Variants in PRKAR1B observed in about 807,000 individuals in gnomAD.
PRKAR1B encodes protein kinase cAMP-dependent type I regulatory subunit beta.
PRKAR1B carries 22 observed loss-of-function variants against 46.5 expected under a neutral mutation model. The ratio of observed to expected loss-of-function variants is 0.47; its 90% CI spans 0.34 to 0.68. The LOEUF (loss-of-function observed/expected upper bound fraction) is 0.68, where lower values mean the gene tolerates loss of function less well. Ranked by LOEUF, PRKAR1B falls within the 30% of genes least tolerant of loss-of-function variation. The pLI, the probability that PRKAR1B is intolerant of heterozygous loss-of-function variation, is 0.01. For missense variants in PRKAR1B, 445 were observed against 535.6 expected, an observed-to-expected ratio of 0.83 and a Z score of 1.67; for synonymous variants, 259 against 217.7, an observed-to-expected ratio of 1.19 and a Z score of -1.67.
At position 550,254 on chromosome 7, in the gene PRKAR1B, G is replaced by A. The variant is rs999438255; in HGVS notation, c.*176C>T. 6.6e-6 allele frequency: 4 copies of A among 608,434 alleles called. No homozygotes were observed. The highest frequency in any genetic ancestry group is 2.9e-5 in the Admixed American group (1 of 34,250). 37.7% of individuals were successfully genotyped at this position (608,434 alleles called of 1,614,324 possible). On this transcript the variant is annotated 3_prime_UTR_variant, in exon 11 of 11. Transcript: ENST00000537384. ...TCCGCTTGTCCTTTGATTTGGAAAT[G>A]CACAAGGTGATCATTTATTCCAAAA...
chr7:594,639 T>C (rs1033441546), intron 7 of PRKAR1B, among the ~76,000 whole-genome samples: 3 of 151,816 alleles, frequency 2.0e-5, no homozygotes, highest in Admixed American at 1.3e-4. Flanking sequence ...CTCCAAACTA[T>C]GAAGGAACCC....
At chr7:612,626 A>T (rs1782586300) in intron 4 of PRKAR1B, among the ~76,000 whole-genome samples, 1 of 152,152 alleles carries the variant, frequency 6.6e-6, no homozygotes, top group Admixed American at 6.5e-5. Context: ...GGAAAAGTGA[A>T]TGAAAAAACG....
chr7:579,042 G>C, intron 9 of PRKAR1B: 1 of 985,464 alleles, frequency 1.0e-6, no homozygotes, highest in Non-Finnish European at 1.2e-6. Flanking sequence ...TTTCTAAGAA[G>C]GGAGGCTTTT....
chr7:656,495 G>T (rs1403074237), intron 4 of PRKAR1B, among the ~76,000 whole-genome samples: 1 of 152,238 alleles, frequency 6.6e-6, no homozygotes, highest in Non-Finnish European at 1.5e-5. Flanking sequence ...ATGTATGAGT[G>T]AATGTGTGGA....
intron 4 of PRKAR1B, among the ~76,000 whole-genome samples, chr7:628,319 G>A (rs946966558): frequency 1.3e-5 from 2 of 152,264 alleles, no homozygotes; most frequent in Non-Finnish European, 2.9e-5. Context: ...AATCGGGGAC[G>A]TGGAGCCAAG....
At position 705,429 on chromosome 7, in the gene PRKAR1B, A is replaced by T. The variant is rs539343699; in HGVS notation, c.177+5900T>A. Among the ~76,000 whole-genome samples the T allele has an allele frequency of 5.3e-5, 8 of 152,282 alleles. No homozygotes were observed. In the East Asian group the frequency reaches 1.3e-3, roughly 26 times the overall value. On this transcript the variant is annotated intron_variant, in intron 2 of 10. Coordinates refer to ENST00000537384, the MANE Select transcript of PRKAR1B (RefSeq NM_001164760.2). ...AGGCTGCCGATACTGAGGAACAAGAATCACGGCTGCTTGGAACACGAGATA... is the reference window on the plus strand; with the variant it reads ...AGGCTGCCGATACTGAGGAACAAGATTCACGGCTGCTTGGAACACGAGATA...
intron 4 of PRKAR1B, among the ~76,000 whole-genome samples, chr7:643,430 G>C (rs1387433584): frequency 6.6e-6 from 1 of 151,512 alleles, no homozygotes; most frequent in Non-Finnish European, 1.5e-5. Flanking sequence ...CTCATAAAAA[G>C]TCATAGCTTT....
chr7:728,805 C>T (rs1184145278), upstream of PRKAR1B, among the ~76,000 whole-genome samples: 1 of 152,076 alleles, frequency 6.6e-6, no homozygotes. Flanking sequence ...CCCCTCATCT[C>T]CAGCACCTCT....
At chr7:575,289 G>C (rs1332161113) in intron 9 of PRKAR1B, among the ~76,000 whole-genome samples, 5 of 152,354 alleles carry the variant, frequency 3.3e-5, no homozygotes, top group African/African-American at 1.2e-4. Context: ...GGCTGGGGCT[G>C]CGCTGGCTGG....
At chr7:642,186 G>A (rs1433976241) in intron 4 of PRKAR1B, among the ~76,000 whole-genome samples, 3 of 152,122 alleles carry the variant, frequency 2.0e-5, no homozygotes, top group South Asian at 2.1e-4. Context: ...ATGAGCCACC[G>A]CACCCACCCG....
chr7:656,929 A>G (rs1353113940), intron 4 of PRKAR1B, among the ~76,000 whole-genome samples: 1 of 151,922 alleles, frequency 6.6e-6, no homozygotes, highest in South Asian at 2.1e-4. Flanking sequence ...GGATGAATGA[A>G]TGAATGAGTG....
chr7:560,713 T>C lies in PRKAR1B; in HGVS notation c.892-9243A>G, dbSNP rs112845694. ...CCAGCCTCAGCTGCCTCATCTGTTA[T>C]ATGGGACAACGCCAACCAATGCTAC... On this transcript the variant is annotated intron_variant, in intron 9 of 10. Transcript: ENST00000537384. This position sits in a 1 kb window ranked among gnomAD's most constrained non-coding sequence, Gnocchi z 4.2. Among the ~76,000 whole-genome samples, 81 of 152,350 alleles carry C rather than the reference T, an allele frequency of 5.3e-4. No individual in the cohort carries two copies. Among genetic ancestry groups the C allele is most frequent in the African/African-American group, 1.8e-3 (76 of 41,576 alleles).
At chr7:694,778 G>A (rs992341989) in intron 2 of PRKAR1B, among the ~76,000 whole-genome samples, 5 of 152,144 alleles carry the variant, frequency 3.3e-5, no homozygotes, top group African/African-American at 7.2e-5. Flanking sequence ...GCTCACACCT[G>A]TAATCCCAGC....
chr7:687,469 CA>C (rs1339522999), intron 2 of PRKAR1B, among the ~76,000 whole-genome samples: 9 of 152,028 alleles, frequency 5.9e-5, no homozygotes, highest in Non-Finnish European at 1.2e-4. Context: ...ATGAGAAACA[CA>C]AGGGAAGAAA....
chr7:695,445 A>G lies in PRKAR1B; in HGVS notation c.178-14719T>C, dbSNP rs1464934281. ...GCCCCGTGCCGGTCAGGAAGGGGTC[A>G]GTGGTGCTGCCTTCCCAAGCCTAGA... is the stretch of plus-strand genomic sequence containing the variant. On this transcript the variant is annotated intron_variant, in intron 2 of 10. Coordinates refer to ENST00000537384, the MANE Select transcript of PRKAR1B (RefSeq NM_001164760.2). Among the ~76,000 whole-genome samples, 3 of 152,272 alleles carry G rather than the reference A, an allele frequency of 2.0e-5. No individual in the cohort carries two copies. In the East Asian group the frequency reaches 5.8e-4, roughly 29 times the overall value.
At chr7:583,446 C>CCCACACACACCCACACGCG (rs1491586654) in intron 8 of PRKAR1B, among the ~76,000 whole-genome samples, 2 of 132,906 alleles carry the variant, frequency 1.5e-5, no homozygotes, top group African/African-American at 6.2e-5. Context: ...ACAGTGCACA[C>CCCACACACACCCACACGCG]TCACACCCAC....
chr7:552,723 C>G (rs529533595), intron 9 of PRKAR1B, among the ~76,000 whole-genome samples: 1 of 152,202 alleles, frequency 6.6e-6, no homozygotes, highest in South Asian at 2.1e-4. Context: ...CGGGAGGGGA[C>G]GCGCTGGGAC....
At chr7:564,854 G>GC (rs1779035890) in intron 9 of PRKAR1B, among the ~76,000 whole-genome samples, 2 of 152,324 alleles carry the variant, frequency 1.3e-5, no homozygotes, top group South Asian at 4.1e-4. Context: ...GCAGGCGGAT[G>GC]CCCCCCAACC....
At chr7:595,198 A>G (rs896495882) in intron 7 of PRKAR1B, among the ~76,000 whole-genome samples, 6 of 152,246 alleles carry the variant, frequency 3.9e-5, no homozygotes, top group African/African-American at 1.2e-4. Context: ...GCCCTGGCCC[A>G]GCCCTGTGCT....
Sources: allele counts gnomAD v4.1 joint callset (sites outside exome capture counted in the v4.1 genomes callset), GRCh38; gene constraint gnomAD v4.1.1; non-coding constraint Gnocchi (gnomAD v3.1); transcripts MANE v1.5; gene names NCBI Gene and HGNC (gene_info 2026-07-23, HGNC 2026-07-21).